Variants in DLG2 observed in about 807,000 individuals in gnomAD.
The protein encoded by DLG2 is disks large homolog 2.
In DLG2, 45 loss-of-function variants were observed where a neutral mutation model predicts 132.5. The observed-to-expected ratio is 0.34, with a 90% confidence interval of 0.27 to 0.44. The LOEUF (loss-of-function observed/expected upper bound fraction) is 0.44, where lower values mean the gene tolerates loss of function less well. Among genes scored for constraint, DLG2 ranks in the 20% least tolerant of loss-of-function variants. The pLI is 1.00. For synonymous variants in DLG2, 424 were observed against 419.6 expected (o/e 1.01, Z -0.13); for missense variants, 1,045 against 1,196.9 (o/e 0.87, Z 1.87).
chr11:84,655,077 C>A (rs2099686556), intron 6 of DLG2, among the ~76,000 whole-genome samples: 1 of 152,050 alleles, frequency 6.6e-6, no homozygotes, highest in Non-Finnish European at 1.5e-5. Flanking sequence ...TGTAGATAAA[C>A]ATTTTTTCCC....
At chr11:85,433,751 C>T (rs2091323360) in intron 3 of DLG2, among the ~76,000 whole-genome samples, 1 of 152,120 alleles carries the variant, frequency 6.6e-6, no homozygotes, top group African/African-American at 2.4e-5. Context: ...CAATATTAGA[C>T]AAATCAGCAA....
intron 9 of DLG2, among the ~76,000 whole-genome samples, chr11:84,146,199 G>A (rs1373953671): frequency 6.6e-6 from 1 of 152,178 alleles, no homozygotes; most frequent in Non-Finnish European, 1.5e-5. Context: ...AAGCTTTGGG[G>A]TATTAAGGTT....
At chr11:85,408,777 T>G (rs1368458197) in intron 3 of DLG2, among the ~76,000 whole-genome samples, 2 of 151,814 alleles carry the variant, frequency 1.3e-5, no homozygotes, top group African/African-American at 2.4e-5. Context: ...GTGCCACATT[T>G]TCTTAATCCA....
Position 83,552,781 on chromosome 11 carries a change from A to G in DLG2, c.1941-10923T>C, listed in dbSNP as rs140962473. Among the ~76,000 whole-genome samples the G allele has an allele frequency of 1.9e-3, 295 of 152,342 alleles. 2 individuals carry two copies. Among genetic ancestry groups the G allele is most frequent in the African/African-American group, 6.7e-3 (277 of 41,576 alleles). Reference sequence around the variant, plus strand: ...CATGACCACAATTTATAAAGTGCAAATCAAATTCTTTGGCCAAGAATTTTT... The same window carrying G: ...CATGACCACAATTTATAAAGTGCAAGTCAAATTCTTTGGCCAAGAATTTTT... On this transcript the variant is annotated intron_variant, in intron 19 of 27. Transcript: ENST00000376104.
At chr11:84,445,518 C>CT (rs929114675) in intron 7 of DLG2, among the ~76,000 whole-genome samples, 21 of 152,020 alleles carry the variant, frequency 1.4e-4, no homozygotes, top group South Asian at 4.2e-4. Context: ...TGCATAAATA[C>CT]TTTTTTTTGC....
At chr11:84,852,215 G>A (rs571905669) in intron 6 of DLG2, among the ~76,000 whole-genome samples, 2 of 151,970 alleles carry the variant, frequency 1.3e-5, no homozygotes, top group Non-Finnish European at 2.9e-5. Flanking sequence ...ATTACATAGG[G>A]TCATTGTGTT....
At chr11:84,215,853 G>C (rs1457224473) in intron 8 of DLG2, among the ~76,000 whole-genome samples, 3 of 152,156 alleles carry the variant, frequency 2.0e-5, no homozygotes, top group African/African-American at 7.2e-5. Flanking sequence ...CAATGTCTTA[G>C]AATCAGCTTA....
intron 4 of DLG2, among the ~76,000 whole-genome samples, chr11:85,190,475 A>G (rs1300737119): frequency 2.0e-5 from 3 of 152,202 alleles, no homozygotes; most frequent in African/African-American, 7.2e-5. Context: ...AGAGCAAATC[A>G]GCTCCAAAGC....
At chr11:83,599,871 A>G (rs1003955951) in intron 19 of DLG2, among the ~76,000 whole-genome samples, 2 of 152,204 alleles carry the variant, frequency 1.3e-5, no homozygotes, top group African/African-American at 4.8e-5. Flanking sequence ...TAGGTTTTGC[A>G]TGAGGGGCTG....
chr11:85,133,718 GTTCT>G (rs1451497799), intron 5 of DLG2, among the ~76,000 whole-genome samples: 1 of 152,080 alleles, frequency 6.6e-6, no homozygotes, highest in African/African-American at 2.4e-5. Flanking sequence ...GAAAAAATGA[GTTCT>G]TTCCCAAACT....
intron 3 of DLG2, among the ~76,000 whole-genome samples, chr11:85,516,168 A>G (rs866131285): frequency 6.6e-6 from 1 of 152,064 alleles, no homozygotes; most frequent in Non-Finnish European, 1.5e-5. Flanking sequence ...ATATACAAAC[A>G]CATGAAAACT....
intron 7 of DLG2, among the ~76,000 whole-genome samples, chr11:84,404,975 A>T (rs1000296802): frequency 2.6e-5 from 4 of 152,156 alleles, no homozygotes; most frequent in Admixed American, 1.3e-4. Context: ...GGAAGGAAGG[A>T]AACAAACACT....
intron 4 of DLG2, among the ~76,000 whole-genome samples, chr11:85,215,503 G>C (rs1239606036): frequency 1.3e-5 from 2 of 152,136 alleles, no homozygotes; most frequent in Non-Finnish European, 2.9e-5. Flanking sequence ...AGAAAAAGTA[G>C]ACAAAGAGCA....
intron 16 of DLG2, among the ~76,000 whole-genome samples, chr11:83,844,795 G>A (rs751659979): frequency 3.0e-4 from 46 of 152,156 alleles, no homozygotes; most frequent in African/African-American, 1.1e-3. Context: ...TAGGGGTAAC[G>A]TATGAGATGG....
At chr11:83,617,793 G>T (rs1300737521) in intron 19 of DLG2, among the ~76,000 whole-genome samples, 1 of 152,064 alleles carries the variant, frequency 6.6e-6, no homozygotes, top group Non-Finnish European at 1.5e-5. Flanking sequence ...GTGGCCAGGA[G>T]TTAGAACAGC....
At chr11:85,438,745 C>T (rs542081350) in intron 3 of DLG2, among the ~76,000 whole-genome samples, 1 of 152,150 alleles carries the variant, frequency 6.6e-6, no homozygotes, top group East Asian at 1.9e-4. Flanking sequence ...TTATCATGTA[C>T]GTAGGTTCCA....
chr11:85,472,967 T>C (rs1398238667), intron 3 of DLG2, among the ~76,000 whole-genome samples: 1 of 152,368 alleles, frequency 6.6e-6, no homozygotes, highest in Non-Finnish European at 1.5e-5. Flanking sequence ...AGGCCAGAGC[T>C]GTGACATGCT....
At chr11:84,376,009 G>C (rs1258065835) in intron 7 of DLG2, among the ~76,000 whole-genome samples, 1 of 151,852 alleles carries the variant, frequency 6.6e-6, no homozygotes, top group Non-Finnish European at 1.5e-5. Flanking sequence ...CTATGTTGAT[G>C]TCTTCATTTT....
chr11:83,904,639 G>A (rs2074274008), intron 15 of DLG2, among the ~76,000 whole-genome samples: 1 of 151,866 alleles, frequency 6.6e-6, no homozygotes, highest in African/African-American at 2.4e-5. Context: ...CAGTATCTCT[G>A]GAACTAGTTC....
Sources: allele counts gnomAD v4.1 joint callset (sites outside exome capture counted in the v4.1 genomes callset), GRCh38; gene constraint gnomAD v4.1.1; transcripts MANE v1.5; gene names NCBI Gene and HGNC (gene_info 2026-07-23, HGNC 2026-07-21).